Variants in EFCAB13 observed in about 807,000 individuals in gnomAD.
EFCAB13 encodes the protein EF-hand calcium binding domain 13, also known as EF-hand calcium-binding domain-containing protein 13.
In EFCAB13, 91 loss-of-function variants were observed where a neutral mutation model predicts 110.2. The ratio of observed to expected loss-of-function variants is 0.83; its 90% CI spans 0.70 to 0.98. The LOEUF (loss-of-function observed/expected upper bound fraction) is 0.98. Among genes scored for constraint, EFCAB13 ranks in the 50% least tolerant of loss-of-function variants. The probability of loss-of-function intolerance (pLI) is 0.00; values close to 1 mark genes in which losing one functional copy is unlikely to be tolerated. For synonymous variants in EFCAB13, 323 were observed against 369.9 expected (o/e 0.87, Z 1.45); for missense variants, 968 against 1,119.4 (o/e 0.86, Z 1.93).
intron 8 of EFCAB13, 69 bp from the exon 9 acceptor site, chr17:47,347,739 A>C: frequency 8.3e-7 from 1 of 1,202,984 alleles, no homozygotes; most frequent in African/African-American, 1.6e-5. Flanking sequence ...TATTTTTTTG[A>C]GAGTGGGGGG....
At chr17:47,375,513 C>A (rs2065610330) in intron 12 of EFCAB13, among the ~76,000 whole-genome samples, 1 of 151,280 alleles carries the variant, frequency 6.6e-6, no homozygotes. Context: ...CAAGGCTGGT[C>A]TTGAACTCCT....
chr17:47,347,121 G>A (rs1482269646), intron 8 of EFCAB13, among the ~76,000 whole-genome samples: 1 of 152,066 alleles, frequency 6.6e-6, no homozygotes, highest in Non-Finnish European at 1.5e-5. Context: ...CAAAAAATTA[G>A]TTGGGCATGT....
chr17:47,412,636 A>G (rs1001944506), intron 21 of EFCAB13, 137 bp from the exon 22 acceptor site: 3 of 893,816 alleles, frequency 3.4e-6, no homozygotes, highest in Non-Finnish European at 3.2e-6. Flanking sequence ...AGTTACAAAT[A>G]GAAAATATTG....
intron 13 of EFCAB13, 53 bp downstream of exon 13, chr17:47,377,956 A>G (rs922585710): frequency 9.7e-6 from 14 of 1,450,630 alleles, no homozygotes; most frequent in Non-Finnish European, 1.2e-5. Context: ...TTTTTATCGG[A>G]TAGTATTAAA....
In EFCAB13 at chr17:47,397,424, C is replaced by T. The variant is rs904993350; in HGVS notation, c.1945+1447C>T. On this transcript the variant is annotated intron_variant, in intron 17 of 24. Coordinates refer to ENST00000331493, the MANE Select transcript of EFCAB13 (RefSeq NM_152347.5). ...AAGTGCCGAGATTGCAGCCTCTGCC[C>T]GGCCGCCACCCCGTCTGGGAAGTGA... is the stretch of plus-strand genomic sequence containing the variant. Among the ~76,000 whole-genome samples, 688 of 151,736 alleles carry T rather than the reference C, an allele frequency of 4.5e-3. 6 individuals are homozygous for T. The highest frequency in any genetic ancestry group is 0.016 in the African/African-American group (658 of 41,354).
intron 17 of EFCAB13, among the ~76,000 whole-genome samples, chr17:47,398,472 T>G (rs1408817234): frequency 2.0e-5 from 3 of 151,384 alleles, no homozygotes; most frequent in Non-Finnish European, 4.4e-5. Context: ...CGTGTCTGTG[T>G]AGAAAGAGGT....
chr17:47,373,446 A>T lies in EFCAB13; in HGVS notation c.878-1026A>T, dbSNP rs1444929584. 2.0e-5 allele frequency among the ~76,000 whole-genome samples: 3 copies of T among 152,252 alleles called. 1 individual carries two copies. The South Asian group carries it at 6.2e-4, about 32-fold the overall frequency. The stretch of plus-strand genomic sequence containing the variant: ...TCTGTATCTTCATTTCTTTGGGGTC[A>T]GCTATCAGGAGATTATTGTGCTCTT... On this transcript the variant is annotated intron_variant, in intron 11 of 24. Transcript: ENST00000331493.
chr17:47,385,225 C>T (rs1386709231), intron 14 of EFCAB13, among the ~76,000 whole-genome samples: 1 of 152,114 alleles, frequency 6.6e-6, no homozygotes, highest in African/African-American at 2.4e-5. Context: ...CAGATAATAT[C>T]CTGAAGTGTG....
In EFCAB13 at chr17:47,412,948, A is replaced by G. The variant is rs770916071; in HGVS notation, c.2422+32A>G. ...ATTTTTTTGGCCTGAGATTCTTTTC[A>G]TTTTTTTTCTACTTATGAAAAATAG... On this transcript the variant is annotated intron_variant, in intron 22 of 24. Transcript: ENST00000331493. The G allele has an allele frequency of 3.8e-6, 6 of 1,589,610 alleles. No homozygotes were observed. The East Asian group carries it at 1.3e-4, about 36-fold the overall frequency.
chr17:47,412,947 C>T, intron 22 of EFCAB13, 31 bp downstream of exon 22: 1 of 1,590,560 alleles, frequency 6.3e-7, no homozygotes. Flanking sequence ...AGATTCTTTT[C>T]ATTTTTTTTC....
At chr17:47,346,498 T>C (rs1365554306) in intron 8 of EFCAB13, among the ~76,000 whole-genome samples, 1 of 138,088 alleles carries the variant, frequency 7.2e-6, no homozygotes, top group Non-Finnish European at 1.6e-5. Flanking sequence ...TTTCCATAGG[T>C]TGGCTATTGT....
At chr17:47,427,189 CT>C (rs955100081) in intron 23 of EFCAB13, among the ~76,000 whole-genome samples, 1 of 152,008 alleles carries the variant, frequency 6.6e-6, no homozygotes, top group Non-Finnish European at 1.5e-5. Flanking sequence ...GATAGACTGC[CT>C]TTTCCAAAAT....
At chr17:47,381,112 G>T (rs540643958) in intron 14 of EFCAB13, among the ~76,000 whole-genome samples, 9 of 152,090 alleles carry the variant, frequency 5.9e-5, no homozygotes, top group Admixed American at 2.6e-4. Context: ...TTGATCTCCT[G>T]ACCTTGTGAT....
chr17:47,436,751 T>C (rs1259417802), intron 24 of EFCAB13, among the ~76,000 whole-genome samples: 1 of 152,056 alleles, frequency 6.6e-6, no homozygotes, highest in East Asian at 1.9e-4. Flanking sequence ...TTTGTATTTT[T>C]TTTTTTCAAT....
At chr17:47,352,984 C>G in intron 9 of EFCAB13, among the ~76,000 whole-genome samples, 1 of 152,084 alleles carries the variant, frequency 6.6e-6, no homozygotes, top group East Asian at 1.9e-4. Context: ...TGGGAGGAGT[C>G]TTTAGGGTTT....
intron 18 of EFCAB13, among the ~76,000 whole-genome samples, chr17:47,403,045 A>G (rs1299721309): frequency 6.6e-6 from 1 of 152,210 alleles, no homozygotes; most frequent in Non-Finnish European, 1.5e-5. Context: ...GAGCTGATAC[A>G]GGTTTTCTGG....
At chr17:47,338,721 G>A (rs2065366523) in intron 5 of EFCAB13, among the ~76,000 whole-genome samples, 1 of 152,088 alleles carries the variant, frequency 6.6e-6, no homozygotes, top group Non-Finnish European at 1.5e-5. Context: ...AGGCAAAATA[G>A]TTGAAAGTCC....
At chr17:47,407,913 C>T (rs925476385) in intron 20 of EFCAB13, among the ~76,000 whole-genome samples, 2 of 152,142 alleles carry the variant, frequency 1.3e-5, no homozygotes, top group African/African-American at 4.8e-5. Flanking sequence ...ACACCATAAA[C>T]TTGTTGGACA....
intron 14 of EFCAB13, among the ~76,000 whole-genome samples, chr17:47,389,341 T>C (rs1244994106): frequency 3.9e-5 from 6 of 152,170 alleles, no homozygotes; most frequent in Non-Finnish European, 8.8e-5. Context: ...CCCAAGCGTA[T>C]AGCTCTTTAT....
Sources: gnomAD v4.1 joint callset for allele counts (sites outside exome capture counted in the v4.1 genomes callset) on GRCh38, gnomAD v4.1.1 for gene constraint, MANE v1.5 for transcripts, NCBI Gene and HGNC (gene_info 2026-07-23, HGNC 2026-07-21) for gene names.